The following MBNL2 variants were observed in gnomAD, a reference collection of about 807,000 sequenced individuals.
MBNL2 encodes muscleblind like splicing regulator 2.
A neutral mutation model predicts 41.9 loss-of-function variants in MBNL2; 17 were observed. The ratio of observed to expected loss-of-function variants is 0.41; its 90% CI spans 0.28 to 0.61. MBNL2 has a LOEUF of 0.61. Ranked by LOEUF, MBNL2 falls within the 20% of genes least tolerant of loss-of-function variation. The pLI, the probability that MBNL2 is intolerant of heterozygous loss-of-function variation, is 0.35. For synonymous variants in MBNL2, 195 were observed against 182.9 expected (o/e 1.07, Z -0.53); for missense variants, 336 against 505.6 (o/e 0.66, Z 3.22).
intron 6 of MBNL2, 101 bp downstream of exon 6, chr13:97,356,950 T>C: frequency 1.6e-6 from 1 of 628,564 alleles, no homozygotes; most frequent in Non-Finnish European, 2.4e-6. Context: ...ATCATTATTA[T>C]TAATTTATGG....
intron 8 of MBNL2, among the ~76,000 whole-genome samples, chr13:97,382,589 G>A (rs1329244732): frequency 6.6e-6 from 1 of 152,090 alleles, no homozygotes; most frequent in Non-Finnish European, 1.5e-5. Context: ...TAAAATCTCG[G>A]GCCTGCTTCT....
At chr13:97,158,821 T>G in the MBNL2 span, among the ~76,000 whole-genome samples, 1 of 152,068 alleles carries the variant, frequency 6.6e-6, no homozygotes, top group Admixed American at 6.6e-5. Flanking sequence ...TCCAACTATG[T>G]GGTCAAGTTT....
At chr13:97,376,843 C>G (rs1180784310) in intron 8 of MBNL2, among the ~76,000 whole-genome samples, 1 of 152,164 alleles carries the variant, frequency 6.6e-6, no homozygotes, top group Non-Finnish European at 1.5e-5. Context: ...AATTATGATG[C>G]AAATTACATT....
the MBNL2 span, among the ~76,000 whole-genome samples, chr13:97,197,330 T>C: frequency 1.3e-5 from 2 of 152,224 alleles, no homozygotes; most frequent in Non-Finnish European, 2.9e-5. Flanking sequence ...ATCTCTGCAA[T>C]AGATTCATAT....
intron 3 of MBNL2, among the ~76,000 whole-genome samples, chr13:97,339,952 C>T (rs2061318060): frequency 6.6e-6 from 1 of 151,606 alleles, no homozygotes; most frequent in South Asian, 2.1e-4. Flanking sequence ...GTGGACATGG[C>T]CTCAGACTAG....
chr13:97,234,077 A>G (rs1260025972), intron 1 of MBNL2, among the ~76,000 whole-genome samples: 1 of 152,216 alleles, frequency 6.6e-6, no homozygotes, highest in Non-Finnish European at 1.5e-5. Flanking sequence ...AGCCCTGACA[A>G]GCTGTTTCCA....
intron 1 of MBNL2, among the ~76,000 whole-genome samples, chr13:97,254,628 TC>T (rs1278516476): frequency 6.6e-6 from 1 of 150,476 alleles, no homozygotes; most frequent in Non-Finnish European, 1.5e-5. Context: ...CCTCCACTGT[TC>T]CCCCCGCCTC....
At chr13:97,212,004 A>G in the MBNL2 span, among the ~76,000 whole-genome samples, 1 of 152,170 alleles carries the variant, frequency 6.6e-6, no homozygotes, top group Non-Finnish European at 1.5e-5. Context: ...AAAGGTGTCA[A>G]AGAAAGATCT....
chr13:97,329,438 A>G (rs994164345), intron 2 of MBNL2, among the ~76,000 whole-genome samples: 4 of 152,192 alleles, frequency 2.6e-5, no homozygotes, highest in African/African-American at 9.6e-5. Context: ...CAGGAACTTC[A>G]TACCCCTTGG....
chr13:97,391,444 T>C lies in MBNL2; in HGVS notation c.1171T>C (p.Cys391Arg). 1 of 1,217,352 alleles carries C rather than the reference T, an allele frequency of 8.2e-7. No homozygotes were observed. Among genetic ancestry groups the C allele is most frequent in the Non-Finnish European group, 1.2e-6 (1 of 818,090 alleles). 75.4% of individuals were successfully genotyped at this position (1,217,352 alleles called of 1,614,324 possible). A position where few individuals can be genotyped will look rare whatever the true frequency, so the allele number is the denominator to read the frequency against. ...SSSIELPQTA[C>R] The stretch of plus-strand genomic sequence containing the variant: ...CTCAATAGAATTGCCACAAACTGCA[T>C]GCTAAATAAAGATGTAGTTCTTCTG... Residue 391 changes from cysteine (C) to arginine (R), a missense_variant, in exon 9 of 9, where the codon TGC becomes CGC. Transcript: ENST00000679496.
intron 2 of MBNL2, among the ~76,000 whole-genome samples, chr13:97,325,282 C>A (rs2059818538): frequency 6.6e-6 from 1 of 152,130 alleles, no homozygotes; most frequent in African/African-American, 2.4e-5. Flanking sequence ...TCTTAACTGG[C>A]ACATTTTCAG....
chr13:97,157,194 TTGTC>T, the MBNL2 span, among the ~76,000 whole-genome samples: 4 of 144,496 alleles, frequency 2.8e-5, no homozygotes, highest in East Asian at 8.1e-4. Context: ...GGCTCTCTGT[TTGTC>T]TGTTGTTGGT....
Position 97,228,529 on chromosome 13 carries a change from C to T in MBNL2, c.-605+5998C>T, listed in dbSNP as rs1416115217. On this transcript the variant is annotated intron_variant, in intron 1 of 8. Transcript: ENST00000679496. The stretch of plus-strand genomic sequence containing the variant: ...TAATTTCAGTTTTTATATTTATTAT[C>T]TTTTTTTTTTTTTTTTTGAGACAGA... 3.7e-4 allele frequency among the ~76,000 whole-genome samples: 47 copies of T among 128,088 alleles called. 2 individuals are homozygous for T. Among genetic ancestry groups the T allele is most frequent in the African/African-American group, 1.2e-3 (40 of 34,068 alleles). The allele number at this position is 128,088 out of a possible 152,430, so 84.0% of individuals were successfully genotyped here.
intron 8 of MBNL2, among the ~76,000 whole-genome samples, chr13:97,388,966 C>G (rs1166131650): frequency 6.6e-6 from 1 of 152,116 alleles, no homozygotes; most frequent in Non-Finnish European, 1.5e-5. Context: ...TTTTTTATAC[C>G]AAATGACAGC....
At chr13:97,261,280 G>A (rs1290436847) in intron 1 of MBNL2, among the ~76,000 whole-genome samples, 2 of 151,972 alleles carry the variant, frequency 1.3e-5, no homozygotes, top group Non-Finnish European at 2.9e-5. Flanking sequence ...CTGCCACTTG[G>A]CATGTTCACA....
intron 1 of MBNL2, among the ~76,000 whole-genome samples, chr13:97,271,989 A>G (rs1466607856): frequency 6.6e-6 from 1 of 152,184 alleles, no homozygotes; most frequent in Non-Finnish European, 1.5e-5. Context: ...TAGATCCTTG[A>G]GGAATCACCA....
chr13:97,209,555 A>C, the MBNL2 span, among the ~76,000 whole-genome samples: 2 of 152,218 alleles, frequency 1.3e-5, no homozygotes, highest in African/African-American at 4.8e-5. Context: ...CCAATATTGA[A>C]GACATAAAGA....
the MBNL2 span, among the ~76,000 whole-genome samples, chr13:97,149,190 G>A: frequency 6.6e-6 from 1 of 152,296 alleles, no homozygotes; most frequent in South Asian, 2.1e-4. Flanking sequence ...CATTACGGAA[G>A]CGTAACATTA....
chr13:97,381,115 GAC>G lies in MBNL2; in HGVS notation c.1049-10186_1049-10185del, dbSNP rs58610386. ...CCTCTCTTTCTCTCTCCCTCTCTCT[GAC>G]ACACACACACACACACACACCACAC... On this transcript the variant is annotated intron_variant, in intron 8 of 8. Transcript: ENST00000679496. Among the ~76,000 whole-genome samples the G allele has an allele frequency of 2.6e-3, 374 of 146,210 alleles. 1 individual carries two copies. Among genetic ancestry groups the G allele is most frequent in the Non-Finnish European group, 3.9e-3 (257 of 65,944 alleles).
Sources: gnomAD v4.1 joint callset for allele counts (sites outside exome capture counted in the v4.1 genomes callset) on GRCh38, gnomAD v4.1.1 for gene constraint, MANE v1.5 for transcripts, NCBI Gene and HGNC (gene_info 2026-07-23, HGNC 2026-07-21) for gene names.